The following NRG1 variants were observed in gnomAD, a reference collection of about 807,000 sequenced individuals.
The protein encoded by NRG1 is pro-neuregulin-1, membrane-bound isoform.
In NRG1, 18 loss-of-function variants were observed where a neutral mutation model predicts 63.8. The observed-to-expected ratio is 0.28, with a 90% CI of 0.19 to 0.42. The LOEUF (loss-of-function observed/expected upper bound fraction) is 0.42. Among genes scored for constraint, NRG1 ranks in the 10% least tolerant of loss-of-function variants. The pLI, the probability that NRG1 is intolerant of heterozygous loss-of-function variation, is 1.00. For synonymous variants in NRG1, 302 were observed against 301.3 expected, an observed-to-expected ratio of 1.00 and a Z score of -0.02; for missense variants, 762 against 814.7, an observed-to-expected ratio of 0.94 and a Z score of 0.79.
At chr8:32,064,505 G>A (rs75968202) in intron 1 of NRG1, among the ~76,000 whole-genome samples, 2,980 of 152,110 alleles carry the variant, frequency 0.02, 107 homozygotes, top group African/African-American at 0.068. Flanking sequence ...TTGGTAGGAG[G>A]GATTCAGTTA....
chr8:32,009,332 G>C (rs1290373857), intron 1 of NRG1, among the ~76,000 whole-genome samples: 1 of 151,930 alleles, frequency 6.6e-6, no homozygotes, highest in African/African-American at 2.4e-5. Context: ...TCCATTCCCA[G>C]TTGTATACAC....
chr8:32,169,926 T>C (rs1181385559), intron 1 of NRG1, among the ~76,000 whole-genome samples: 1 of 152,174 alleles, frequency 6.6e-6, no homozygotes, highest in African/African-American at 2.4e-5. Flanking sequence ...TCAAGTAAAG[T>C]AGGTCCTTAA....
exon 1 of NRG1, chr8:32,548,559 G>T: frequency 7.9e-7 from 1 of 1,260,164 alleles, no homozygotes; most frequent in Middle Eastern, 2.2e-4. Flanking sequence ...CGTCCGCGCC[G>T]CGCTCCCTGC....
chr8:32,669,502 G>A (rs893693152), intron 5 of NRG1, among the ~76,000 whole-genome samples: 2 of 152,152 alleles, frequency 1.3e-5, no homozygotes, highest in Non-Finnish European at 2.9e-5. Flanking sequence ...GAATTGTTCA[G>A]CATGTATAAA....
At chr8:32,298,457 A>C (rs1855153641) in intron 1 of NRG1, among the ~76,000 whole-genome samples, 1 of 152,174 alleles carries the variant, frequency 6.6e-6, no homozygotes, top group African/African-American at 2.4e-5. Context: ...TTCAACTATA[A>C]AGCACAGATT....
At chr8:32,551,699 T>G (rs1397193676) in intron 1 of NRG1, among the ~76,000 whole-genome samples, 1 of 152,160 alleles carries the variant, frequency 6.6e-6, no homozygotes, top group Non-Finnish European at 1.5e-5. Context: ...ATAGCTCTAA[T>G]AGGTCCCAAG....
chr8:32,712,685 TTTG>T (rs1269226349), intron 5 of NRG1, among the ~76,000 whole-genome samples: 1 of 152,162 alleles, frequency 6.6e-6, no homozygotes, highest in Admixed American at 6.5e-5. Flanking sequence ...GTATGTCCTT[TTTG>T]TTATTTTGAT....
intron 1 of NRG1, among the ~76,000 whole-genome samples, chr8:32,121,040 T>C (rs1833379964): frequency 6.6e-6 from 1 of 152,026 alleles, no homozygotes; most frequent in Admixed American, 6.6e-5. Context: ...CTCATACTCA[T>C]TCGTATCACA....
chr8:32,381,985 A>G (rs1316882203), intron 1 of NRG1, among the ~76,000 whole-genome samples: 2 of 152,342 alleles, frequency 1.3e-5, no homozygotes, highest in Admixed American at 1.3e-4. Context: ...TTGAACTATT[A>G]TATGGTATTT....
intron 1 of NRG1, among the ~76,000 whole-genome samples, chr8:32,246,688 A>C (rs887089226): frequency 6.6e-6 from 1 of 152,150 alleles, no homozygotes; most frequent in Admixed American, 6.6e-5. Context: ...TATCACAAGA[A>C]TCTCCATTTG....
intron 1 of NRG1, among the ~76,000 whole-genome samples, chr8:31,843,898 A>G (rs959102368): frequency 6.6e-6 from 1 of 152,166 alleles, no homozygotes; most frequent in Non-Finnish European, 1.5e-5. Flanking sequence ...TATGCTCTTT[A>G]GTGGGATGAT....
Position 32,131,577 on chromosome 8 carries a change from C to T in NRG1, c.38-464251C>T, listed in dbSNP as rs116629664. Among the ~76,000 whole-genome samples, 1,023 of 152,092 alleles carry T rather than the reference C, an allele frequency of 6.7e-3. 8 individuals are homozygous for T. The highest frequency in any genetic ancestry group is 0.021 in the African/African-American group (888 of 41,508). Reference sequence around the variant, plus strand: ...TATCCATGTTGATGAGTGTACAAACCTGTGGCTAATTATATTTTCACTTCT... The same window carrying T: ...TATCCATGTTGATGAGTGTACAAACTTGTGGCTAATTATATTTTCACTTCT... On this transcript the variant is annotated intron_variant, in intron 1 of 10. Transcript: ENST00000519301.
At chr8:31,753,622 C>T (rs1288176045) in intron 1 of NRG1, among the ~76,000 whole-genome samples, 1 of 152,096 alleles carries the variant, frequency 6.6e-6, no homozygotes, top group Non-Finnish European at 1.5e-5. Context: ...CCTGGACAGA[C>T]ACTGCTGTTT....
chr8:31,804,151 T>C (rs1822054587), intron 1 of NRG1, among the ~76,000 whole-genome samples: 1 of 152,086 alleles, frequency 6.6e-6, no homozygotes, highest in Non-Finnish European at 1.5e-5. Flanking sequence ...TAACAATATC[T>C]CGAGTAACCA....
At chr8:32,669,809 C>G (rs1044307328) in intron 5 of NRG1, among the ~76,000 whole-genome samples, 2 of 152,136 alleles carry the variant, frequency 1.3e-5, no homozygotes, top group Non-Finnish European at 2.9e-5. Context: ...AGACTGGACC[C>G]TAAGCCCATC....
At chr8:32,210,540 G>T (rs1196031113) in intron 1 of NRG1, among the ~76,000 whole-genome samples, 1 of 152,162 alleles carries the variant, frequency 6.6e-6, no homozygotes, top group Non-Finnish European at 1.5e-5. Flanking sequence ...CCTCTGCCAT[G>T]CGAAACTATC....
chr8:32,484,262 CCAGG>C (rs1300235609), intron 1 of NRG1, among the ~76,000 whole-genome samples: 2 of 152,112 alleles, frequency 1.3e-5, no homozygotes, highest in African/African-American at 4.8e-5. Context: ...ACTAAAATGC[CCAGG>C]TACAAACTAC....
chr8:32,107,201 G>A (rs1295077818), intron 1 of NRG1, among the ~76,000 whole-genome samples: 1 of 141,722 alleles, frequency 7.1e-6, no homozygotes, highest in Non-Finnish European at 1.5e-5. Flanking sequence ...GCGCAACAGA[G>A]TGTGACTCAG....
chr8:32,583,723 A>G (rs1297484383), intron 1 of NRG1, among the ~76,000 whole-genome samples: 1 of 152,210 alleles, frequency 6.6e-6, no homozygotes, highest in African/African-American at 2.4e-5. Context: ...CTCACCCAGA[A>G]GGCATTTCTT....
Sources: gnomAD v4.1 joint callset for allele counts (sites outside exome capture counted in the v4.1 genomes callset) on GRCh38, gnomAD v4.1.1 for gene constraint, MANE v1.5 for transcripts, NCBI Gene and HGNC (gene_info 2026-07-23, HGNC 2026-07-21) for gene names.